The following TAFA4 variants were observed in gnomAD, a reference collection of about 807,000 sequenced individuals.
The protein encoded by TAFA4 is chemokine-like protein TAFA-4.
TAFA4 carries 20 observed loss-of-function variants against 21.1 expected under a neutral mutation model. The observed-to-expected ratio is 0.95, with a 90% CI of 0.67 to 1.38. The LOEUF (loss-of-function observed/expected upper bound fraction) is 1.38. Ranked by LOEUF, TAFA4 falls within the 40% of genes most tolerant of loss-of-function variation. The pLI is 0.00. For synonymous variants in TAFA4, 71 were observed against 67.4 expected, an observed-to-expected ratio of 1.05 and a Z score of -0.26; for missense variants, 211 against 180.9, an observed-to-expected ratio of 1.17 and a Z score of -0.95.
chr3:68,914,673 T>C (rs963049878), intron 1 of TAFA4, among the ~76,000 whole-genome samples: 2 of 152,030 alleles, frequency 1.3e-5, no homozygotes, highest in African/African-American at 4.8e-5. Flanking sequence ...AATAATGTAG[T>C]AAAAAAACCA....
intron 3 of TAFA4, among the ~76,000 whole-genome samples, chr3:68,783,703 G>GAA (rs1266906476): frequency 0.018 from 1,641 of 89,030 alleles, 41 homozygotes; most frequent in African/African-American, 0.065. Context: ...GAGAGAGAGA[G>GAA]AGAGAAAGAA....
At chr3:68,867,433 G>A (rs968680274) in intron 3 of TAFA4, among the ~76,000 whole-genome samples, 3 of 152,042 alleles carry the variant, frequency 2.0e-5, no homozygotes, top group Admixed American at 1.3e-4. Flanking sequence ...ATGCTAAATG[G>A]AGTTCTTCAA....
chr3:68,789,130 C>A (rs1703317266), intron 3 of TAFA4, among the ~76,000 whole-genome samples: 1 of 151,516 alleles, frequency 6.6e-6, no homozygotes, highest in East Asian at 2.0e-4. Context: ...ACTAGGGGGG[C>A]TGAGGCAGGA....
rs970035020 is a variant in TAFA4 at position 68,739,064 on chromosome 3, T to C, written c.411+11A>G. 25 of 1,612,268 alleles carry C rather than the reference T, an allele frequency of 1.6e-5. No homozygotes were observed. The highest frequency in any genetic ancestry group is 2.0e-5 in the Non-Finnish European group (24 of 1,179,436). ...ACTTGTAAATTGTAGTTGCATTTTG[T>C]CTATACTTGCCTTCGTAGTTTTGAC... On this transcript the variant is annotated intron_variant, in intron 5 of 5. Transcript: ENST00000295569.
intron 3 of TAFA4, among the ~76,000 whole-genome samples, chr3:68,856,933 G>A (rs1032578559): frequency 5.3e-5 from 8 of 152,206 alleles, no homozygotes; most frequent in African/African-American, 1.9e-4. Flanking sequence ...GAATGGGTCT[G>A]AGCCTCAACA....
intron 1 of TAFA4, among the ~76,000 whole-genome samples, chr3:68,923,936 A>G (rs934852604): frequency 1.3e-5 from 2 of 152,134 alleles, no homozygotes; most frequent in Non-Finnish European, 2.9e-5. Context: ...TGAGTGCTTC[A>G]TTTTTCTAAT....
intron 4 of TAFA4, among the ~76,000 whole-genome samples, chr3:68,745,777 T>C (rs901274244): frequency 2.0e-5 from 3 of 152,246 alleles, no homozygotes; most frequent in Non-Finnish European, 4.4e-5. Flanking sequence ...CTTCAAATTA[T>C]AATAACCAAG....
chr3:68,928,986 TAAAAA>T, intron 1 of TAFA4, among the ~76,000 whole-genome samples: 1 of 147,320 alleles, frequency 6.8e-6, no homozygotes, highest in African/African-American at 2.5e-5. Flanking sequence ...TAAGTTTATT[TAAAAA>T]AAAAAAAAGA....
At chr3:68,776,963 AG>A (rs1466302029) in intron 3 of TAFA4, among the ~76,000 whole-genome samples, 2 of 152,100 alleles carry the variant, frequency 1.3e-5, no homozygotes, top group African/African-American at 2.4e-5. Flanking sequence ...ATTTTTTAAA[AG>A]ACAAAATGAA....
intron 3 of TAFA4, among the ~76,000 whole-genome samples, chr3:68,791,210 C>T (rs1393395616): frequency 1.3e-5 from 2 of 152,180 alleles, no homozygotes; most frequent in Non-Finnish European, 2.9e-5. Context: ...AAGTCCTAAT[C>T]CCTGTAAATG....
chr3:68,801,644 G>A (rs1346941452), intron 3 of TAFA4, among the ~76,000 whole-genome samples: 1 of 152,146 alleles, frequency 6.6e-6, no homozygotes, highest in South Asian at 2.1e-4. Context: ...TGGCTCAAGG[G>A]TTAGTGAACC....
chr3:68,736,675 C>A (rs1311040960), intron 5 of TAFA4, among the ~76,000 whole-genome samples: 6 of 152,076 alleles, frequency 3.9e-5, no homozygotes, highest in Non-Finnish European at 8.8e-5. Flanking sequence ...CTCTGTCTTA[C>A]CTGTGGTGTA....
At chr3:68,847,980 GA>G (rs1393493056) in intron 3 of TAFA4, among the ~76,000 whole-genome samples, 1 of 152,186 alleles carries the variant, frequency 6.6e-6, no homozygotes. Context: ...CTCTCAAAAA[GA>G]TAAATATTAC....
intron 1 of TAFA4, among the ~76,000 whole-genome samples, chr3:68,904,076 A>C (rs2089872638): frequency 6.6e-6 from 1 of 152,158 alleles, no homozygotes; most frequent in African/African-American, 2.4e-5. Flanking sequence ...AAAAAAAAAA[A>C]AAAAACAATT....
At chr3:68,737,128 A>G (rs768743950) in intron 5 of TAFA4, among the ~76,000 whole-genome samples, 1 of 152,134 alleles carries the variant, frequency 6.6e-6, no homozygotes, top group Non-Finnish European at 1.5e-5. Context: ...ATATTTATAT[A>G]TAAAAATCAA....
At chr3:68,775,276 CAGAG>C (rs1353445200) in intron 3 of TAFA4, among the ~76,000 whole-genome samples, 4 of 152,236 alleles carry the variant, frequency 2.6e-5, no homozygotes, top group East Asian at 1.9e-4. Flanking sequence ...CAAGAGAAGA[CAGAG>C]AGAGACTCAC....
chr3:68,832,258 C>T (rs1181887893), intron 3 of TAFA4, among the ~76,000 whole-genome samples: 1 of 152,158 alleles, frequency 6.6e-6, no homozygotes, highest in African/African-American at 2.4e-5. Context: ...GGAAAAGAGG[C>T]CTTCTGGTTT....
intron 3 of TAFA4, among the ~76,000 whole-genome samples, chr3:68,801,057 C>A (rs1318819350): frequency 1.3e-5 from 2 of 152,186 alleles, no homozygotes; most frequent in African/African-American, 4.8e-5. Context: ...CCATCATTAA[C>A]TTGCATGACT....
At chr3:68,887,797 C>T (rs1277156743) in intron 1 of TAFA4, among the ~76,000 whole-genome samples, 2 of 152,104 alleles carry the variant, frequency 1.3e-5, no homozygotes, top group Non-Finnish European at 1.5e-5. Flanking sequence ...AAATCTTGCC[C>T]TCAAGGTGCT....
Sources: allele counts gnomAD v4.1 joint callset (sites outside exome capture counted in the v4.1 genomes callset), GRCh38; gene constraint gnomAD v4.1.1; transcripts MANE v1.5; gene names NCBI Gene and HGNC (gene_info 2026-07-23, HGNC 2026-07-21).